ELF1: variants seen among roughly 807,000 people sequenced by gnomAD.
ELF1 encodes the protein ETS-related transcription factor Elf-1.
A neutral mutation model predicts 59.9 loss-of-function variants in ELF1; 24 were observed. The ratio of observed to expected loss-of-function variants is 0.40; its 90% CI spans 0.29 to 0.56. The LOEUF is 0.56. Among genes scored for constraint, ELF1 ranks in the 20% least tolerant of loss-of-function variants. The probability of loss-of-function intolerance (pLI) is 0.44; values close to 1 mark genes in which losing one functional copy is unlikely to be tolerated. For missense variants in ELF1, 627 were observed against 742.2 expected (o/e 0.84, Z 1.80); for synonymous variants, 248 against 266.2 (o/e 0.93, Z 0.67).
At chr13:41,049,882 T>C (rs1315796219) in intron 1 of ELF1, among the ~76,000 whole-genome samples, 14 of 152,242 alleles carry the variant, frequency 9.2e-5, no homozygotes, top group Non-Finnish European at 1.6e-4. Context: ...TGTCAGCTTT[T>C]ATCATTGTTT....
upstream of ELF1, among the ~76,000 whole-genome samples, chr13:41,022,948 A>T (rs761104112): frequency 4.6e-5 from 7 of 152,168 alleles, no homozygotes; most frequent in African/African-American, 1.7e-4. Flanking sequence ...AAAGAAAGGA[A>T]GGGAGGAAGG....
intron 1 of ELF1, chr13:40,993,163 T>A (rs1873953351): frequency 1.3e-6 from 2 of 1,509,698 alleles, no homozygotes; most frequent in African/African-American, 1.4e-5. Context: ...ATTTTTGTAG[T>A]GTGTGTGGTT....
chr13:41,033,703 A>G (rs58454263), intron 1 of ELF1, among the ~76,000 whole-genome samples: 45,484 of 152,108 alleles, frequency 0.3, 7,322 homozygotes, highest in South Asian at 0.48. Context: ...CTAACGCCCA[A>G]TGATTTGAGG....
intron 1 of ELF1, among the ~76,000 whole-genome samples, chr13:40,990,488 A>C (rs1873785282): frequency 6.6e-6 from 1 of 152,144 alleles, no homozygotes; most frequent in South Asian, 2.1e-4. Context: ...ATCAGGGTTG[A>C]AGAATCTGCT....
At chr13:40,972,831 T>G (rs547658433) in intron 2 of ELF1, among the ~76,000 whole-genome samples, 1 of 152,300 alleles carries the variant, frequency 6.6e-6, no homozygotes, top group African/African-American at 2.4e-5. Flanking sequence ...TCAGTTTTCA[T>G]GATTAAATGT....
chr13:40,938,684 G>A (rs1232132494), intron 8 of ELF1, among the ~76,000 whole-genome samples: 2 of 151,934 alleles, frequency 1.3e-5, no homozygotes, highest in Non-Finnish European at 1.5e-5. Flanking sequence ...TACAAAGAGT[G>A]CTCTGTGTCA....
At chr13:40,972,128 T>G (rs1279169869) in intron 2 of ELF1, among the ~76,000 whole-genome samples, 3 of 152,144 alleles carry the variant, frequency 2.0e-5, no homozygotes, top group Admixed American at 1.3e-4. Context: ...TATGAAAAGA[T>G]GGACTTTGAC....
intron 1 of ELF1, among the ~76,000 whole-genome samples, chr13:41,035,499 T>TTG (rs2138412937): frequency 6.6e-6 from 1 of 152,218 alleles, no homozygotes; most frequent in Non-Finnish European, 1.5e-5. Flanking sequence ...CAAGGCCACT[T>TTG]TCTCACTTTC....
intron 6 of ELF1, 61 bp downstream of exon 6, chr13:40,943,781 T>C (rs1332310716): frequency 1.3e-5 from 18 of 1,391,668 alleles, no homozygotes; most frequent in South Asian, 8.5e-5. Context: ...CTAGTTATAA[T>C]AGGTAGGCAC....
At chr13:41,035,314 A>G (rs540688460) in intron 1 of ELF1, among the ~76,000 whole-genome samples, 3 of 152,336 alleles carry the variant, frequency 2.0e-5, no homozygotes, top group East Asian at 3.9e-4. Context: ...TTATTTCAGC[A>G]TGATAGCATG....
intron 1 of ELF1, among the ~76,000 whole-genome samples, chr13:41,031,090 T>C (rs982041069): frequency 2.6e-5 from 4 of 151,118 alleles, no homozygotes; most frequent in African/African-American, 9.7e-5. Context: ...AGCCAAGAGG[T>C]TGAGGCTGCA....
chr13:40,947,653 C>T (rs1206934009), intron 5 of ELF1, among the ~76,000 whole-genome samples: 1 of 152,146 alleles, frequency 6.6e-6, no homozygotes, highest in Non-Finnish European at 1.5e-5. Context: ...CTATGGGGCA[C>T]CAGGCAGAAG....
At chr13:41,059,402 TAATG>T (rs1877410070) in intron 1 of ELF1, among the ~76,000 whole-genome samples, 1 of 152,248 alleles carries the variant, frequency 6.6e-6, no homozygotes, top group Admixed American at 6.5e-5. Flanking sequence ...ATATTTGAAT[TAATG>T]AAGACGATTT....
rs534312287 is a variant in ELF1 at position 41,027,400 on chromosome 13, C to T, written c.-229+33438G>A. Among the ~76,000 whole-genome samples the T allele has an allele frequency of 1.2e-4, 18 of 152,348 alleles. 1 individual carries two copies. The highest frequency in any genetic ancestry group is 4.3e-4 in the African/African-American group (18 of 41,588). On this transcript the variant is annotated intron_variant, in intron 1 of 1. Coordinates refer to the ELF1 transcript ENST00000405737. ...CAGCCACCTGTCATTGCCCAGGGGGCTCATCCTGGACATGGTGGCAGGGAT... is the reference window on the plus strand; with the variant it reads ...CAGCCACCTGTCATTGCCCAGGGGGTTCATCCTGGACATGGTGGCAGGGAT...
intron 1 of ELF1, among the ~76,000 whole-genome samples, chr13:40,985,269 C>T (rs1307772725): frequency 1.3e-5 from 2 of 152,316 alleles, no homozygotes; most frequent in African/African-American, 4.8e-5. Flanking sequence ...CCAGAGGGAG[C>T]ACCTGTAGAT....
chr13:40,936,661 T>C (rs1307656624), intron 8 of ELF1, among the ~76,000 whole-genome samples: 1 of 145,966 alleles, frequency 6.9e-6, no homozygotes, highest in Non-Finnish European at 1.5e-5. Context: ...CTGGGGAGGC[T>C]GAGGCAGGAG....
chr13:41,051,599 A>G (rs1265531558), intron 1 of ELF1, among the ~76,000 whole-genome samples: 2 of 152,166 alleles, frequency 1.3e-5, no homozygotes, highest in African/African-American at 2.4e-5. Flanking sequence ...ATAGAGCAAT[A>G]TATCAACACA....
At chr13:41,004,901 C>T (rs1167684824) in intron 1 of ELF1, among the ~76,000 whole-genome samples, 3 of 152,140 alleles carry the variant, frequency 2.0e-5, no homozygotes, top group Admixed American at 6.5e-5. Flanking sequence ...AAGCCTACAA[C>T]GTCCCTCGAA....
chr13:40,942,711 A>G (rs1196950670), intron 7 of ELF1, among the ~76,000 whole-genome samples: 1 of 151,972 alleles, frequency 6.6e-6, no homozygotes, highest in Non-Finnish European at 1.5e-5. Flanking sequence ...TAGTAGAGAC[A>G]GGGTTTTGCC....
Sources: gnomAD v4.1 joint callset for allele counts (sites outside exome capture counted in the v4.1 genomes callset) on GRCh38, gnomAD v4.1.1 for gene constraint, MANE v1.5 for transcripts, NCBI Gene and HGNC (gene_info 2026-07-23, HGNC 2026-07-21) for gene names.